The following TUSC3 variants were observed in gnomAD, a reference collection of about 807,000 sequenced individuals.
The protein encoded by TUSC3 is tumor suppressor candidate 3.
In TUSC3, 45 loss-of-function variants were observed where a neutral mutation model predicts 44.8. The ratio of observed to expected loss-of-function variants is 1.00; its 90% CI spans 0.79 to 1.29. The LOEUF (loss-of-function observed/expected upper bound fraction) is 1.29. Among genes scored for constraint, TUSC3 ranks in the 50% most tolerant of loss-of-function variants. TUSC3 has a pLI of 0.00. For missense variants in TUSC3, 519 were observed against 437.9 expected, an observed-to-expected ratio of 1.19 and a Z score of -1.65; for synonymous variants, 212 against 152.9, an observed-to-expected ratio of 1.39 and a Z score of -2.85.
At chr8:15,559,014 C>T (rs1360974468) in intron 1 of TUSC3, among the ~76,000 whole-genome samples, 1 of 147,304 alleles carries the variant, frequency 6.8e-6, no homozygotes, top group Non-Finnish European at 1.5e-5. Context: ...CAGTTCTGCT[C>T]TGATTTTAGT....
chr8:15,671,799 A>G (rs945449166), intron 5 of TUSC3, among the ~76,000 whole-genome samples: 1 of 152,028 alleles, frequency 6.6e-6, no homozygotes. Flanking sequence ...TCTTAAATAT[A>G]TAGTAAGCTC....
intron 6 of TUSC3, among the ~76,000 whole-genome samples, chr8:15,683,531 T>A (rs1808507293): frequency 6.6e-6 from 1 of 152,082 alleles, no homozygotes; most frequent in Admixed American, 6.6e-5. Flanking sequence ...TTGTTGTATT[T>A]CAAATTTTGG....
intron 1 of TUSC3, among the ~76,000 whole-genome samples, chr8:15,582,129 C>G (rs553145652): frequency 6.6e-6 from 1 of 152,222 alleles, no homozygotes; most frequent in Non-Finnish European, 1.5e-5. Context: ...TGACCCCTTG[C>G]GCTTCCCAAG....
intron 1 of TUSC3, among the ~76,000 whole-genome samples, chr8:15,573,886 C>T (rs868351936): frequency 3.3e-5 from 5 of 151,626 alleles, no homozygotes; most frequent in African/African-American, 4.8e-5. Context: ...CCTGACAGTT[C>T]CAAATATGGG....
chr8:15,763,413 C>CT (rs1229222077), intron 10 of TUSC3, among the ~76,000 whole-genome samples: 1 of 150,140 alleles, frequency 6.7e-6, no homozygotes, highest in African/African-American at 2.4e-5. Flanking sequence ...TTTTTGTTTT[C>CT]TTTTTTTAAG....
At chr8:15,760,886 T>C (rs1585313730) in intron 10 of TUSC3, among the ~76,000 whole-genome samples, 1 of 152,304 alleles carries the variant, frequency 6.6e-6, no homozygotes, top group Non-Finnish European at 1.5e-5. Context: ...GAGGCTGCTG[T>C]CCCTGCATCT....
At chr8:15,706,538 G>A (rs1264310913) in intron 6 of TUSC3, among the ~76,000 whole-genome samples, 1 of 151,956 alleles carries the variant, frequency 6.6e-6, no homozygotes, top group Non-Finnish European at 1.5e-5. Context: ...TACTTAAAAA[G>A]GGTTTGAAGT....
At chr8:15,692,385 T>TG (rs1563175902) in intron 6 of TUSC3, among the ~76,000 whole-genome samples, 13 of 142,206 alleles carry the variant, frequency 9.1e-5, no homozygotes, top group Admixed American at 3.5e-4. Flanking sequence ...GTTTTTTTTT[T>TG]TTTTTTTTTT....
In TUSC3 at chr8:15,611,432, C is replaced by G. The variant is rs138084823; in HGVS notation, c.139-11648C>G. Among the ~76,000 whole-genome samples the G allele has an allele frequency of 6.1e-3, 923 of 152,264 alleles. 7 individuals are homozygous for G. The highest frequency in any genetic ancestry group is 0.021 in the African/African-American group (879 of 41,562). ...TCAAACTCCTGACCTCGTGATCTGC[C>G]CGCACCGGCCTCCCAAAGTGCTGGG... On this transcript the variant is annotated intron_variant, in intron 1 of 10. Transcript: ENST00000503731.
chr8:15,465,067 C>A (rs1237649194), intron 1 of TUSC3, among the ~76,000 whole-genome samples: 2 of 152,120 alleles, frequency 1.3e-5, no homozygotes, highest in Non-Finnish European at 2.9e-5. Context: ...CCAGGATGGT[C>A]TTGAACTCCT....
chr8:15,448,552 C>T (rs1800142856), intron 1 of TUSC3, among the ~76,000 whole-genome samples: 1 of 152,020 alleles, frequency 6.6e-6, no homozygotes. Flanking sequence ...AATAGTAGAG[C>T]AGATGTAAAA....
chr8:15,631,797 A>C (rs1046194238), intron 2 of TUSC3, among the ~76,000 whole-genome samples: 10 of 151,614 alleles, frequency 6.6e-5, no homozygotes, highest in Admixed American at 1.3e-4. Flanking sequence ...CCTCTGCCTC[A>C]CGGGTTCAAG....
chr8:15,441,683 T>C (rs548980964), intron 1 of TUSC3, among the ~76,000 whole-genome samples: 1 of 152,230 alleles, frequency 6.6e-6, no homozygotes, highest in East Asian at 1.9e-4. Context: ...TATTCAATTA[T>C]TCAGTTGTGA....
intron 1 of TUSC3, among the ~76,000 whole-genome samples, chr8:15,444,046 C>A (rs73191171): frequency 0.14 from 21,679 of 152,220 alleles, 1,678 homozygotes; most frequent in Middle Eastern, 0.22. Context: ...ACCCTGGTCT[C>A]CCACAGAACC....
At chr8:15,478,556 C>A (rs911288441) in intron 1 of TUSC3, among the ~76,000 whole-genome samples, 3 of 152,158 alleles carry the variant, frequency 2.0e-5, no homozygotes, top group Non-Finnish European at 4.4e-5. Flanking sequence ...TGTTAGTTTG[C>A]TGAGGACAAT....
chr8:15,835,303 G>T, the TUSC3 span, among the ~76,000 whole-genome samples: 2 of 151,882 alleles, frequency 1.3e-5, no homozygotes, highest in South Asian at 2.1e-4. Context: ...TTTTCCTGTA[G>T]CAATTACTAT....
At chr8:15,578,321 A>G (rs1221274079) in intron 1 of TUSC3, among the ~76,000 whole-genome samples, 1 of 124,836 alleles carries the variant, frequency 8.0e-6, no homozygotes, top group East Asian at 2.2e-4. Flanking sequence ...TCTCCTGCCT[A>G]ATTGCCCTGG....
At chr8:15,807,078 T>C in the TUSC3 span, 4 of 1,388,936 alleles carry the variant, frequency 2.9e-6, no homozygotes, top group South Asian at 4.7e-5. Flanking sequence ...ACAGCAGTAT[T>C]TGGCAACCTG....
At chr8:15,506,011 C>A (rs1801046509) in intron 2 of TUSC3, among the ~76,000 whole-genome samples, 1 of 152,174 alleles carries the variant, frequency 6.6e-6, no homozygotes. Flanking sequence ...TCACAGCACC[C>A]TGGTGTGCTA....
Sources: gnomAD v4.1 joint callset for allele counts (sites outside exome capture counted in the v4.1 genomes callset) on GRCh38, gnomAD v4.1.1 for gene constraint, MANE v1.5 for transcripts, NCBI Gene and HGNC (gene_info 2026-07-23, HGNC 2026-07-21) for gene names.